The following PTPRD variants were observed in gnomAD, a reference collection of about 807,000 sequenced individuals.
The protein encoded by PTPRD is protein tyrosine phosphatase receptor type D.
PTPRD carries 34 observed loss-of-function variants against 214.5 expected under a neutral mutation model. The observed-to-expected ratio is 0.16, with a 90% CI of 0.12 to 0.21. The LOEUF (loss-of-function observed/expected upper bound fraction) is 0.21, where lower values mean the gene tolerates loss of function less well. Ranked by LOEUF, PTPRD falls within the 10% of genes least tolerant of loss-of-function variation. The pLI, the probability that PTPRD is intolerant of heterozygous loss-of-function variation, is 1.00. For missense variants in PTPRD, 2,545 were observed against 2,398.7 expected, an observed-to-expected ratio of 1.06 and a Z score of -1.27; for synonymous variants, 1,128 against 845.7, an observed-to-expected ratio of 1.33 and a Z score of -5.79.
chr9:10,245,524 C>CT (rs1166873127), intron 3 of PTPRD, among the ~76,000 whole-genome samples: 1 of 152,182 alleles, frequency 6.6e-6, no homozygotes, highest in Non-Finnish European at 1.5e-5. Context: ...CCCACAAGCA[C>CT]TACATGATAA....
chr9:10,593,753 A>G (rs757228500), intron 2 of PTPRD, among the ~76,000 whole-genome samples: 7 of 152,012 alleles, frequency 4.6e-5, no homozygotes, highest in Non-Finnish European at 8.8e-5. Context: ...TTTAAAATGA[A>G]GGGAAAATCT....
intron 11 of PTPRD, among the ~76,000 whole-genome samples, chr9:8,837,425 A>C (rs2097454304): frequency 6.6e-6 from 1 of 152,244 alleles, no homozygotes; most frequent in Admixed American, 6.5e-5. Context: ...TGGAATTACA[A>C]AAACTAAATT....
At chr9:8,503,269 T>C (rs1040394506) in intron 23 of PTPRD, among the ~76,000 whole-genome samples, 1 of 152,142 alleles carries the variant, frequency 6.6e-6, no homozygotes, top group African/African-American at 2.4e-5. Flanking sequence ...ACAAATTTCA[T>C]GTTTGCTGAT....
chr9:8,403,930 C>T (rs544199576), intron 36 of PTPRD, among the ~76,000 whole-genome samples: 1 of 152,224 alleles, frequency 6.6e-6, no homozygotes, highest in African/African-American at 2.4e-5. Flanking sequence ...CAACCAAAAC[C>T]CATCACTAAA....
chr9:9,820,923 T>A (rs2050486108), intron 5 of PTPRD, among the ~76,000 whole-genome samples: 1 of 152,174 alleles, frequency 6.6e-6, no homozygotes, highest in Non-Finnish European at 1.5e-5. Flanking sequence ...ATGTAATGCC[T>A]CTGTCCTTGT....
chr9:8,904,469 C>T (rs997684807), intron 11 of PTPRD, among the ~76,000 whole-genome samples: 2 of 151,944 alleles, frequency 1.3e-5, no homozygotes, highest in East Asian at 1.9e-4. Flanking sequence ...GTCAGGAGTT[C>T]GAGACCAGCC....
intron 10 of PTPRD, among the ~76,000 whole-genome samples, chr9:9,175,705 G>C (rs1019867965): frequency 6.6e-6 from 1 of 151,014 alleles, no homozygotes; most frequent in South Asian, 2.1e-4. Context: ...TTTGTTTTGA[G>C]GAAGACTCTT....
chr9:9,971,894 C>A, intron 4 of PTPRD, among the ~76,000 whole-genome samples: 1 of 152,008 alleles, frequency 6.6e-6, no homozygotes, highest in East Asian at 1.9e-4. Context: ...AATAGTATTT[C>A]ATGAATAAAA....
At chr9:9,445,161 T>A (rs2089942417) in intron 8 of PTPRD, among the ~76,000 whole-genome samples, 1 of 152,168 alleles carries the variant, frequency 6.6e-6, no homozygotes, top group Non-Finnish European at 1.5e-5. Context: ...TAGAGATTAT[T>A]CTGGATAATA....
At chr9:9,178,739 CT>C (rs2099926416) in intron 10 of PTPRD, among the ~76,000 whole-genome samples, 2 of 151,954 alleles carry the variant, frequency 1.3e-5, no homozygotes, top group Non-Finnish European at 2.9e-5. Context: ...TCAATAAGTC[CT>C]TCTTTAAATG....
chr9:8,665,203 A>G (rs1381157164), intron 12 of PTPRD, among the ~76,000 whole-genome samples: 1 of 152,206 alleles, frequency 6.6e-6, no homozygotes, highest in Non-Finnish European at 1.5e-5. Flanking sequence ...AATGTGTCAA[A>G]TTGCTATGAA....
At chr9:9,980,811 C>T (rs1271312909) in intron 4 of PTPRD, among the ~76,000 whole-genome samples, 5 of 151,268 alleles carry the variant, frequency 3.3e-5, no homozygotes, top group Non-Finnish European at 5.9e-5. Flanking sequence ...TTAGGCAAAG[C>T]GTATTTATAG....
At chr9:10,387,627 ATTAC>A (rs1267580825) in intron 2 of PTPRD, among the ~76,000 whole-genome samples, 1 of 151,630 alleles carries the variant, frequency 6.6e-6, no homozygotes, top group Non-Finnish European at 1.5e-5. Flanking sequence ...AGTAAAGCCT[ATTAC>A]TTAAACCATA....
At chr9:9,863,836 GAA>G (rs34403806) in intron 5 of PTPRD, among the ~76,000 whole-genome samples, 12 of 135,562 alleles carry the variant, frequency 8.9e-5, no homozygotes, top group African/African-American at 1.8e-4. Context: ...ATGCAGGACG[GAA>G]AAAAAAAAAA....
At chr9:9,407,092 G>C (rs2073744087) in intron 8 of PTPRD, among the ~76,000 whole-genome samples, 2 of 151,540 alleles carry the variant, frequency 1.3e-5, no homozygotes, top group Admixed American at 1.3e-4. Flanking sequence ...AATTAGATAG[G>C]CTTACCACCA....
intron 11 of PTPRD, among the ~76,000 whole-genome samples, chr9:8,800,324 A>G (rs1298141306): frequency 6.6e-6 from 1 of 152,096 alleles, no homozygotes; most frequent in Non-Finnish European, 1.5e-5. Flanking sequence ...CTCCATCTTG[A>G]ATAGGGGCTG....
Position 8,456,522 on chromosome 9 carries a change from C to A in PTPRD, c.3875+3889G>T, listed in dbSNP as rs373321759. ...GAAGCCAGAAAGCAGAGTCAACCAG[C>A]AGCTTCCAGTATGGTTGGGTGTGGC... is the stretch of plus-strand genomic sequence containing the variant. On this transcript the variant is annotated intron_variant, in intron 33 of 45. Coordinates refer to ENST00000381196, the MANE Select transcript of PTPRD (RefSeq NM_002839.4). Among the ~76,000 whole-genome samples, 3 of 152,162 alleles carry A rather than the reference C, an allele frequency of 2.0e-5. No homozygotes were observed. The East Asian group carries it at 5.8e-4, about 29-fold the overall frequency.
intron 2 of PTPRD, among the ~76,000 whole-genome samples, chr9:10,522,088 G>C (rs1234790753): frequency 2.0e-5 from 3 of 152,104 alleles, no homozygotes. Context: ...GGGAGATTAG[G>C]TGTGAAGGAA....
Position 8,486,340 on chromosome 9 carries a change from T to A in PTPRD, c.2477A>T (p.Lys826Ile). 1 of 1,614,062 alleles carries A rather than the reference T, an allele frequency of 6.2e-7. No individual in the cohort carries two copies. The highest frequency in any genetic ancestry group is 8.5e-7 in the Non-Finnish European group (1 of 1,179,920). Residue 826 changes from lysine (K) to isoleucine (I), a missense_variant, in exon 28 of 46, where the codon AAA (lysine) becomes ATA (isoleucine). Coordinates refer to ENST00000381196, the MANE Select transcript of PTPRD (RefSeq NM_002839.4). ...LVSTTGAVPGKPRLVINHTQM... is the reference protein window; with the variant it reads ...LVSTTGAVPGIPRLVINHTQM... The stretch of plus-strand genomic sequence containing the variant: ...AGTGTGGTTAATCACAAGCCGAGGT[T>A]TCCCTGGAACTGGAGCACATGGGAT...
Sources: gnomAD v4.1 joint callset for allele counts (sites outside exome capture counted in the v4.1 genomes callset) on GRCh38, gnomAD v4.1.1 for gene constraint, MANE v1.5 for transcripts, NCBI Gene and HGNC (gene_info 2026-07-23, HGNC 2026-07-21) for gene names.